Variants in OSBPL3 observed in about 807,000 individuals in gnomAD.
OSBPL3 encodes oxysterol-binding protein-related protein 3.
In OSBPL3, 65 loss-of-function variants were observed where a neutral mutation model predicts 120.1. The observed-to-expected ratio is 0.54, with a 90% CI of 0.44 to 0.67. The LOEUF (loss-of-function observed/expected upper bound fraction) is 0.67, where lower values mean the gene tolerates loss of function less well. Ranked by LOEUF, OSBPL3 falls within the 30% of genes least tolerant of loss-of-function variation. OSBPL3 has a pLI of 0.00. For missense variants in OSBPL3, 1,004 were observed against 1,082.1 expected (o/e 0.93, Z 1.01); for synonymous variants, 416 against 402.6 (o/e 1.03, Z -0.40).
rs376556935 is a variant in OSBPL3, at chr7:24,822,324, G to A, written c.1885-2086C>T. On this transcript the variant is annotated intron_variant, in intron 16 of 22. Coordinates refer to ENST00000313367, the MANE Select transcript of OSBPL3 (RefSeq NM_015550.4). This position sits in a 1 kb window ranked among gnomAD's most constrained non-coding sequence, Gnocchi z 5.8. ...ATATAAAACAAAATCAAGGTGCAGTGGCATAGCCCTGTAATTCCAGCTACT... is the reference window on the plus strand; with the variant it reads ...ATATAAAACAAAATCAAGGTGCAGTAGCATAGCCCTGTAATTCCAGCTACT... 1.8e-3 allele frequency among the ~76,000 whole-genome samples: 271 copies of A among 152,296 alleles called. 1 individual carries two copies. Among genetic ancestry groups the A allele is most frequent in the Non-Finnish European group, 2.4e-3 (164 of 68,024 alleles).
At chr7:24,948,305 A>G (rs1813981083) in intron 1 of OSBPL3, among the ~76,000 whole-genome samples, 1 of 152,252 alleles carries the variant, frequency 6.6e-6, no homozygotes, top group African/African-American at 2.4e-5. Context: ...ACTTCTATAC[A>G]AAAGAATTAA....
At chr7:24,814,090 G>A (rs950788753) in intron 19 of OSBPL3, among the ~76,000 whole-genome samples, 13 of 152,086 alleles carry the variant, frequency 8.5e-5, no homozygotes, top group African/African-American at 2.9e-4. Flanking sequence ...GACTTCAGAC[G>A]GTGATAAGAA....
chr7:24,842,178 T>A, intron 13 of OSBPL3, 101 bp downstream of exon 13: 1 of 1,236,872 alleles, frequency 8.1e-7, no homozygotes, highest in South Asian at 1.3e-5. Context: ...AAAGGGCAAC[T>A]GAGTTTAGTG....
In OSBPL3 at chr7:24,891,381, C is replaced by T. The variant is rs147398484; in HGVS notation, c.96+996G>A. On this transcript the variant is annotated intron_variant, in intron 2 of 22. Coordinates refer to ENST00000313367, the MANE Select transcript of OSBPL3 (RefSeq NM_015550.4). The surrounding 1 kb of genome is among the most constrained non-coding windows in gnomAD (Gnocchi z 4.1). ...GCAAAGCTCCTTATCCCAGGCAACGCTCAGTTGGACAGACCCCTGATGATG... is the reference window on the plus strand; with the variant it reads ...GCAAAGCTCCTTATCCCAGGCAACGTTCAGTTGGACAGACCCCTGATGATG... Among the ~76,000 whole-genome samples, 50 of 152,280 alleles carry T rather than the reference C, an allele frequency of 3.3e-4. 2 individuals carry two copies. The East Asian group carries it at 7.1e-3, about 22-fold the overall frequency.
chr7:24,857,049 T>C (rs1477027886), intron 10 of OSBPL3, among the ~76,000 whole-genome samples: 1 of 152,222 alleles, frequency 6.6e-6, no homozygotes, highest in African/African-American at 2.4e-5. Flanking sequence ...TATATCTCTT[T>C]TAGCTTTTTA....
At chr7:24,941,541 T>A (rs542568029) in intron 1 of OSBPL3, among the ~76,000 whole-genome samples, 1 of 152,300 alleles carries the variant, frequency 6.6e-6, no homozygotes, top group South Asian at 2.1e-4. Context: ...AGCATCTCTT[T>A]GAATACTCCT....
intron 1 of OSBPL3, among the ~76,000 whole-genome samples, chr7:24,950,140 C>T (rs1236916975): frequency 6.6e-6 from 1 of 152,164 alleles, no homozygotes; most frequent in Non-Finnish European, 1.5e-5. Flanking sequence ...CCTAAGAAAA[C>T]ATGTCATTTT....
At chr7:24,935,528 A>G (rs56705060) in intron 1 of OSBPL3, among the ~76,000 whole-genome samples, 3,529 of 152,280 alleles carry the variant, frequency 0.023, 63 homozygotes, top group Middle Eastern at 0.068. Flanking sequence ...TTTTTACACT[A>G]CTAGAAATGG....
At chr7:24,911,384 T>C (rs764922033) in intron 1 of OSBPL3, among the ~76,000 whole-genome samples, 1 of 152,194 alleles carries the variant, frequency 6.6e-6, no homozygotes, top group Non-Finnish European at 1.5e-5. Flanking sequence ...AGACTATCAA[T>C]TGAGTTACTA....
intron 1 of OSBPL3, among the ~76,000 whole-genome samples, chr7:24,979,504 A>G (rs926082675): frequency 3.0e-4 from 45 of 152,032 alleles, no homozygotes; most frequent in Non-Finnish European, 5.0e-4. Context: ...GCTCGCCCCA[A>G]TTTACCAGGC....
Position 24,799,605 on chromosome 7 carries a change from A to G in OSBPL3, c.*578T>C, listed in dbSNP as rs575281400. 2.0e-5 allele frequency: 3 copies of G among 152,516 alleles called. No homozygotes were observed. The South Asian group carries it at 6.2e-4, about 32-fold the overall frequency. 9.4% of individuals were successfully genotyped at this position (152,516 alleles called of 1,614,324 possible). On this transcript the variant is annotated 3_prime_UTR_variant, in exon 23 of 23. Coordinates refer to ENST00000313367, the MANE Select transcript of OSBPL3 (RefSeq NM_015550.4). This position sits in a 1 kb window ranked among gnomAD's most constrained non-coding sequence, Gnocchi z 5.3. The stretch of plus-strand genomic sequence containing the variant: ...GTATACGTCTTATATAAAAATATAC[A>G]TTCCATTAATCTTATATCCTCTCCC...
intron 1 of OSBPL3, among the ~76,000 whole-genome samples, chr7:24,962,603 T>G (rs1166382262): frequency 6.6e-6 from 1 of 152,182 alleles, no homozygotes; most frequent in Non-Finnish European, 1.5e-5. Context: ...AAGAATCATC[T>G]GTAGAACTAA....
At chr7:24,868,338 AGT>A (rs55688298) in intron 5 of OSBPL3, among the ~76,000 whole-genome samples, 40,431 of 137,504 alleles carry the variant, frequency 0.29, 6,228 homozygotes, top group Non-Finnish European at 0.37. Flanking sequence ...AAAAAAAAAA[AGT>A]GTGTGTGTGT....
chr7:24,819,201 C>T lies in OSBPL3; in HGVS notation c.1948+974G>A, dbSNP rs1007789677. ...ACGGGAGACGGAGGTTGCAGTGAGC[C>T]GAGATCGCACCACTGCACTCCAGCC... is the stretch of plus-strand genomic sequence containing the variant. On this transcript the variant is annotated intron_variant, in intron 17 of 22. Transcript: ENST00000313367. The surrounding 1 kb of genome is among the most constrained non-coding windows in gnomAD (Gnocchi z 4.1). 5.4e-5 allele frequency among the ~76,000 whole-genome samples: 8 copies of T among 148,026 alleles called. No homozygotes were observed. The East Asian group carries it at 5.9e-4, about 11-fold the overall frequency.
intron 16 of OSBPL3, among the ~76,000 whole-genome samples, chr7:24,825,099 G>A (rs568882178): frequency 4.2e-4 from 64 of 152,224 alleles, no homozygotes; most frequent in Admixed American, 1.0e-3. Flanking sequence ...TGGGAAGTTG[G>A]TGGAGGATTT....
intron 12 of OSBPL3, among the ~76,000 whole-genome samples, chr7:24,847,979 G>GC (rs780628120): frequency 3.3e-5 from 5 of 152,226 alleles, no homozygotes; most frequent in African/African-American, 4.8e-5. Context: ...TTAACCACTA[G>GC]CATGTGCCTC....
At chr7:24,866,262 G>C (rs1801306887) in intron 5 of OSBPL3, 25 bp from the exon 6 acceptor site, 1 of 1,532,494 alleles carries the variant, frequency 6.5e-7, no homozygotes, top group African/African-American at 1.4e-5. Flanking sequence ...ATTGAAAAAA[G>C]GAAACAAGAG....
chr7:24,835,150 A>G lies in OSBPL3; in HGVS notation c.1496-414T>C, dbSNP rs576367840. ...CTATAAAGGAAATAATGGTCTTTTCATTGCTCCACCACCCCAAAATAGCAG... is the reference window on the plus strand; with the variant it reads ...CTATAAAGGAAATAATGGTCTTTTCGTTGCTCCACCACCCCAAAATAGCAG... On this transcript the variant is annotated intron_variant, in intron 14 of 22. Transcript: ENST00000313367. The surrounding 1 kb of genome is among the most constrained non-coding windows in gnomAD (Gnocchi z 4.8). Among the ~76,000 whole-genome samples the G allele has an allele frequency of 1.3e-5, 2 of 152,170 alleles. No homozygotes were observed. Among genetic ancestry groups the G allele is most frequent in the Non-Finnish European group, 2.9e-5 (2 of 68,032 alleles).
Position 24,930,350 on chromosome 7 carries a change from C to T in OSBPL3, c.-149-37729G>A, listed in dbSNP as rs1315324816. On this transcript the variant is annotated intron_variant, in intron 1 of 22. Coordinates refer to ENST00000313367, the MANE Select transcript of OSBPL3 (RefSeq NM_015550.4). The surrounding 1 kb of genome is among the most constrained non-coding windows in gnomAD (Gnocchi z 4.4). ...AACACTTTTTGTTGTCAATTCCTGT[C>T]TAAACAAACAAATTTTATACTGCCT... 2.6e-5 allele frequency among the ~76,000 whole-genome samples: 4 copies of T among 152,058 alleles called. No individual in the cohort carries two copies. The highest frequency in any genetic ancestry group is 9.7e-5 in the African/African-American group (4 of 41,380).
Sources: gnomAD v4.1 joint callset for allele counts (sites outside exome capture counted in the v4.1 genomes callset) on GRCh38, gnomAD v4.1.1 for gene constraint, Gnocchi (gnomAD v3.1) non-coding constraint, MANE v1.5 for transcripts, NCBI Gene and HGNC (gene_info 2026-07-23, HGNC 2026-07-21) for gene names.